RASAL2: variants seen among roughly 807,000 people sequenced by gnomAD.
RASAL2 encodes ras GTPase-activating protein nGAP.
In RASAL2, 58 loss-of-function variants were observed where a neutral mutation model predicts 128.9. The observed-to-expected ratio is 0.45, with a 90% CI of 0.36 to 0.56. The LOEUF (loss-of-function observed/expected upper bound fraction) is 0.56, where lower values mean the gene tolerates loss of function less well. Among genes scored for constraint, RASAL2 ranks in the 20% least tolerant of loss-of-function variants. The pLI is 0.00. For synonymous variants in RASAL2, 561 were observed against 580.8 expected, an observed-to-expected ratio of 0.97 and a Z score of 0.49; for missense variants, 1,360 against 1,601.6, an observed-to-expected ratio of 0.85 and a Z score of 2.57.
At chr1:178,467,200 G>T in intron 16 of RASAL2, 134 bp from the exon 17 acceptor site, 1 of 682,062 alleles carries the variant, frequency 1.5e-6, no homozygotes, top group Non-Finnish European at 2.6e-6. Context: ...CTTATTCCAA[G>T]GTAGTAGAGA....
chr1:178,223,968 A>G (rs1225679870), intron 1 of RASAL2, among the ~76,000 whole-genome samples: 3 of 152,192 alleles, frequency 2.0e-5, no homozygotes, highest in Non-Finnish European at 2.9e-5. Flanking sequence ...TGTAGGTTTT[A>G]TACGTTTTGA....
chr1:178,160,086 C>T (rs890414914), intron 1 of RASAL2, among the ~76,000 whole-genome samples: 2 of 150,102 alleles, frequency 1.3e-5, no homozygotes, highest in Non-Finnish European at 3.0e-5. Context: ...TTCTAGGGTA[C>T]ATGTGCACAA....
At chr1:178,306,105 T>A (rs918800725) in intron 3 of RASAL2, among the ~76,000 whole-genome samples, 8 of 152,216 alleles carry the variant, frequency 5.3e-5, no homozygotes, top group Non-Finnish European at 1.0e-4. Context: ...CATCAAATTT[T>A]TTTCATTGTT....
chr1:178,476,226 T>C lies in RASAL2; in HGVS notation c.*2987T>C, dbSNP rs1465577876. 6.6e-6 allele frequency: 1 copy of C among 152,248 alleles called. No homozygotes were observed. The highest frequency in any genetic ancestry group is 2.4e-5 in the African/African-American group (1 of 41,474). 9.4% of individuals were successfully genotyped at this position (152,248 alleles called of 1,614,324 possible). A position where few individuals can be genotyped will look rare whatever the true frequency, so the allele number is the denominator to read the frequency against. The stretch of plus-strand genomic sequence containing the variant: ...TCAGGTGAAGTGCTTGTAAAGTGCA[T>C]GTCTAGCTGACAACAGACTTGACCA... On this transcript the variant is annotated 3_prime_UTR_variant, in exon 18 of 18. Coordinates refer to ENST00000367649, the MANE Select transcript of RASAL2 (RefSeq NM_170692.4).
At chr1:178,407,523 G>C (rs1290698450) in intron 4 of RASAL2, among the ~76,000 whole-genome samples, 1 of 152,098 alleles carries the variant, frequency 6.6e-6, no homozygotes, top group East Asian at 1.9e-4. Flanking sequence ...AACTTGAAAA[G>C]CAAGAATGAA....
chr1:178,248,187 T>C (rs1360417552), intron 1 of RASAL2, among the ~76,000 whole-genome samples: 1 of 152,158 alleles, frequency 6.6e-6, no homozygotes, highest in East Asian at 1.9e-4. Context: ...TCTCCAACTA[T>C]TATTGTGTGG....
At chr1:178,128,410 T>G (rs933215685) in intron 1 of RASAL2, among the ~76,000 whole-genome samples, 2 of 152,170 alleles carry the variant, frequency 1.3e-5, no homozygotes, top group African/African-American at 4.8e-5. Flanking sequence ...TGTTAGTTTG[T>G]TATGAGGATT....
chr1:178,132,223 ATT>A (rs57817232), intron 1 of RASAL2, among the ~76,000 whole-genome samples: 1 of 146,374 alleles, frequency 6.8e-6, no homozygotes. Flanking sequence ...AAAATTTTAA[ATT>A]TTTTTTTTTT....
At position 178,368,461 on chromosome 1, in the gene RASAL2, A is replaced by G. The variant is rs539187525; in HGVS notation, c.458-21639A>G. On this transcript the variant is annotated intron_variant, in intron 3 of 17. Coordinates refer to ENST00000367649, the MANE Select transcript of RASAL2 (RefSeq NM_170692.4). ...CACACAGGAAATGCATATGCCCTCAAATAGGAACTCTGTAAGTCACCAAGC... is the reference window on the plus strand; with the variant it reads ...CACACAGGAAATGCATATGCCCTCAGATAGGAACTCTGTAAGTCACCAAGC... 3.3e-5 allele frequency among the ~76,000 whole-genome samples: 5 copies of G among 152,258 alleles called. No individual in the cohort carries two copies. The South Asian group carries it at 8.3e-4, about 25-fold the overall frequency.
chr1:178,163,975 T>G (rs1661426094), intron 1 of RASAL2, among the ~76,000 whole-genome samples: 1 of 152,212 alleles, frequency 6.6e-6, no homozygotes, highest in Admixed American at 6.5e-5. Context: ...AGTCTTTCAC[T>G]TATGTTGTTT....
intron 1 of RASAL2, among the ~76,000 whole-genome samples, chr1:178,189,318 G>C (rs1558104397): frequency 6.6e-6 from 1 of 152,160 alleles, no homozygotes; most frequent in Non-Finnish European, 1.5e-5. Flanking sequence ...GGGTCCATTT[G>C]TAAATAGGGT....
chr1:178,430,269 A>G (rs998041720), intron 5 of RASAL2, among the ~76,000 whole-genome samples: 4 of 152,244 alleles, frequency 2.6e-5, no homozygotes, highest in African/African-American at 7.2e-5. Context: ...TAATCAATAC[A>G]GTCTAGCTAT....
intron 6 of RASAL2, among the ~76,000 whole-genome samples, chr1:178,441,063 A>G (rs549947879): frequency 8.1e-6 from 1 of 123,970 alleles, no homozygotes; most frequent in East Asian, 2.2e-4. Context: ...TCCTTGGATG[A>G]ATTTAAAATG....
chr1:178,128,229 G>A (rs1009846804), intron 1 of RASAL2, among the ~76,000 whole-genome samples: 1 of 151,986 alleles, frequency 6.6e-6, no homozygotes, highest in African/African-American at 2.4e-5. Flanking sequence ...AGAAAAAAAT[G>A]CTTATGCATT....
intron 1 of RASAL2, among the ~76,000 whole-genome samples, chr1:178,273,097 T>A (rs181228807): frequency 1.3e-5 from 2 of 152,376 alleles, no homozygotes; most frequent in East Asian, 3.9e-4. Context: ...TATTGTCCTG[T>A]ATCAGCTATG....
chr1:178,441,804 A>T (rs534448970), intron 7 of RASAL2, among the ~76,000 whole-genome samples, 157 bp downstream of exon 7: 1 of 152,208 alleles, frequency 6.6e-6, no homozygotes, highest in Non-Finnish European at 1.5e-5. Flanking sequence ...TTATTATATC[A>T]CCATAAAGAA....
chr1:178,382,811 A>G (rs1292984067), intron 3 of RASAL2, among the ~76,000 whole-genome samples: 1 of 152,158 alleles, frequency 6.6e-6, no homozygotes, highest in African/African-American at 2.4e-5. Flanking sequence ...TGTCGTTGTT[A>G]TGTTTTCATC....
intron 1 of RASAL2, among the ~76,000 whole-genome samples, chr1:178,236,604 AC>A (rs1664252852): frequency 6.6e-6 from 1 of 152,178 alleles, no homozygotes; most frequent in Admixed American, 6.5e-5. Flanking sequence ...ACAAAGGAAA[AC>A]AAAAAACAGA....
chr1:178,156,624 C>G (rs1661093228), intron 1 of RASAL2, among the ~76,000 whole-genome samples: 1 of 152,144 alleles, frequency 6.6e-6, no homozygotes, highest in East Asian at 1.9e-4. Context: ...AAAGTGTATA[C>G]TTCTTTTTGA....
Sources: allele counts gnomAD v4.1 joint callset (sites outside exome capture counted in the v4.1 genomes callset), GRCh38; gene constraint gnomAD v4.1.1; transcripts MANE v1.5; gene names NCBI Gene and HGNC (gene_info 2026-07-23, HGNC 2026-07-21).